MBD5: variants seen among roughly 807,000 people sequenced by gnomAD.
The protein encoded by MBD5 is methyl-CpG binding domain protein 5.
Under a neutral mutation model 117.3 loss-of-function variants are expected in MBD5, and 13 were observed. The observed-to-expected ratio is 0.11, with a 90% CI of 0.07 to 0.18. The LOEUF is 0.18. Among genes scored for constraint, MBD5 ranks in the 10% least tolerant of loss-of-function variants. The pLI is 1.00. For synonymous variants in MBD5, 727 were observed against 766.4 expected (o/e 0.95, Z 0.85); for missense variants, 1,879 against 2,093.8 (o/e 0.90, Z 2.00).
At position 148,483,714 on chromosome 2, in the gene MBD5, A is replaced by T; in HGVS notation, c.3123A>T (p.Ser1041=). ...APPDHLPSNQ[S]DNSRAETLLT... Reference sequence around the variant, plus strand: ...CAGACCATTTGCCAAGCAATCAGTCAGACAACAGCCGAGCTGAGACCCTTT... The same window carrying T: ...CAGACCATTTGCCAAGCAATCAGTCTGACAACAGCCGAGCTGAGACCCTTT... The change falls in exon 9 of 14, where the codon TCA becomes TCT. Residue 1041 remains serine, a synonymous_variant. Transcript: ENST00000642680. 6.4e-7 allele frequency: 1 copy of T among 1,550,616 alleles called. No individual in the cohort carries two copies. The highest frequency in any genetic ancestry group is 8.7e-7 in the Non-Finnish European group (1 of 1,146,978).
At chr2:148,368,657 AT>A (rs1362084053) in intron 4 of MBD5, among the ~76,000 whole-genome samples, 2 of 152,148 alleles carry the variant, frequency 1.3e-5, no homozygotes, top group Non-Finnish European at 2.9e-5. Flanking sequence ...CAATTTGAGC[AT>A]TAAGATAAAT....
At chr2:148,270,920 G>A (rs1338541820) in intron 3 of MBD5, among the ~76,000 whole-genome samples, 1 of 151,916 alleles carries the variant, frequency 6.6e-6, no homozygotes, top group Non-Finnish European at 1.5e-5. Flanking sequence ...CAAACAGATA[G>A]CCCTTTATTC....
chr2:148,393,384 A>C (rs1035885366), intron 4 of MBD5: 3 of 152,180 alleles, frequency 2.0e-5, no homozygotes. Flanking sequence ...AGGAAAGTAA[A>C]CAGTATATTA....
intron 13 of MBD5, 134 bp from the exon 14 acceptor site, chr2:148,512,736 G>T (rs912616677): frequency 7.6e-6 from 6 of 787,140 alleles, no homozygotes; most frequent in Non-Finnish European, 1.3e-5. Context: ...AACATTTGAA[G>T]TGCCTCAGGA....
At chr2:148,059,368 G>A (rs779551660) in intron 1 of MBD5, among the ~76,000 whole-genome samples, 31 of 151,972 alleles carry the variant, frequency 2.0e-4, no homozygotes, top group Non-Finnish European at 3.5e-4. Context: ...CTGGTAACCC[G>A]TAAAGAATTT....
At chr2:148,330,652 C>T (rs903428079) in intron 3 of MBD5, 1 of 152,152 alleles carries the variant, frequency 6.6e-6, no homozygotes. Flanking sequence ...GCATGATTGT[C>T]TTTACGGTGA....
chr2:148,507,196 A>G (rs56947580), intron 12 of MBD5, among the ~76,000 whole-genome samples: 1 of 152,354 alleles, frequency 6.6e-6, no homozygotes, highest in African/African-American at 2.4e-5. Flanking sequence ...AAAACTCATG[A>G]AATTGTTTTT....
At chr2:148,444,019 T>TAC (rs894050890) in intron 4 of MBD5, among the ~76,000 whole-genome samples, 3 of 150,838 alleles carry the variant, frequency 2.0e-5, no homozygotes, top group African/African-American at 7.4e-5. Context: ...TACATATATA[T>TAC]ACCTACTGTG....
At chr2:148,244,236 T>A (rs150357362) in intron 3 of MBD5, 9 of 152,272 alleles carry the variant, frequency 5.9e-5, no homozygotes, top group Non-Finnish European at 1.3e-4. Context: ...ACCTATCTTA[T>A]AAGTTTGTTG....
intron 3 of MBD5, among the ~76,000 whole-genome samples, chr2:148,254,818 G>A (rs544777140): frequency 6.8e-4 from 103 of 152,250 alleles, no homozygotes; most frequent in Non-Finnish European, 1.2e-3. Flanking sequence ...TATGCACTGC[G>A]GTGCTTGGGC....
intron 4 of MBD5, among the ~76,000 whole-genome samples, chr2:148,423,753 G>C (rs973935485): frequency 2.0e-5 from 3 of 152,088 alleles, no homozygotes; most frequent in Non-Finnish European, 4.4e-5. Flanking sequence ...GACACAGACT[G>C]GCAAATTGGA....
intron 1 of MBD5, among the ~76,000 whole-genome samples, chr2:148,132,374 T>C (rs1054153893): frequency 6.8e-6 from 1 of 147,290 alleles, no homozygotes; most frequent in Non-Finnish European, 1.5e-5. Flanking sequence ...ATATAGATGA[T>C]TCATAAATTA....
intron 1 of MBD5, among the ~76,000 whole-genome samples, chr2:148,167,643 C>T (rs1045704993): frequency 6.6e-6 from 1 of 152,088 alleles, no homozygotes; most frequent in Non-Finnish European, 1.5e-5. Flanking sequence ...ATCATTGCTC[C>T]ATTAAAATAC....
rs1171949031 is a variant in MBD5, at chr2:148,470,040, T to C, written c.2097T>C (p.Ser699=). The C allele has an allele frequency of 2.5e-6, 4 of 1,613,786 alleles. No individual in the cohort carries two copies. Among genetic ancestry groups the C allele is most frequent in the Non-Finnish European group, 3.4e-6 (4 of 1,179,900 alleles). Residue 699 remains serine (S), a synonymous_variant, in exon 8 of 14, where the codon AGT becomes AGC. Coordinates refer to ENST00000642680, the MANE Select transcript of MBD5 (RefSeq NM_001378120.1). Reference sequence around the variant, plus strand: ...AGGGTCAGGGTTCATTTCCCATCAGTTCAATGTCTCAGTTACTACAGTCTA... The same window carrying C: ...AGGGTCAGGGTTCATTTCCCATCAGCTCAATGTCTCAGTTACTACAGTCTA... ...RKQGQGSFPI[S]SMSQLLQSMS... is the part of the protein sequence containing the mutation.
intron 1 of MBD5, among the ~76,000 whole-genome samples, chr2:148,119,292 T>C (rs1696710105): frequency 6.6e-6 from 1 of 152,206 alleles, no homozygotes; most frequent in South Asian, 2.1e-4. Flanking sequence ...TCTGTCCTTA[T>C]AGGCCACATT....
intron 1 of MBD5, among the ~76,000 whole-genome samples, chr2:148,114,492 A>G (rs56230499): frequency 0.011 from 1,649 of 152,236 alleles, 36 homozygotes; most frequent in African/African-American, 0.037. Context: ...GAGTATTCCA[A>G]TTTTAAAATT....
At chr2:148,224,141 G>A (rs1264911692) in intron 2 of MBD5, among the ~76,000 whole-genome samples, 2 of 152,092 alleles carry the variant, frequency 1.3e-5, no homozygotes, top group East Asian at 3.9e-4. Context: ...GTGACCTAAT[G>A]TCTTCTCTTG....
At chr2:148,259,693 A>AT in intron 3 of MBD5, among the ~76,000 whole-genome samples, 1 of 152,158 alleles carries the variant, frequency 6.6e-6, no homozygotes, top group Non-Finnish European at 1.5e-5. Context: ...CGGGGTAATT[A>AT]TACCTTTTAC....
rs185803046 is a variant in MBD5 at position 148,290,564 on chromosome 2, G to A, written c.-679-51650G>A. ...CCTTCTGTTGACTTATCAATACTAA[G>A]CCATTTAGTGACTGTATGTTTTCAG... is the stretch of plus-strand genomic sequence containing the variant. On this transcript the variant is annotated intron_variant, in intron 3 of 13. Coordinates refer to ENST00000642680, the MANE Select transcript of MBD5 (RefSeq NM_001378120.1). Among the ~76,000 whole-genome samples, 111 of 152,072 alleles carry A rather than the reference G, an allele frequency of 7.3e-4. No individual in the cohort carries two copies. The Middle Eastern group carries it at 0.014, about 19-fold the overall frequency.
Sources: allele counts gnomAD v4.1 joint callset (sites outside exome capture counted in the v4.1 genomes callset), GRCh38; gene constraint gnomAD v4.1.1; transcripts MANE v1.5; gene names NCBI Gene and HGNC (gene_info 2026-07-23, HGNC 2026-07-21).